Variants in TEF observed in about 807,000 individuals in gnomAD.
The protein encoded by TEF is TEF transcription factor, PAR bZIP family member.
A neutral mutation model predicts 20.8 loss-of-function variants in TEF; 3 were observed. That is an observed-to-expected ratio of 0.14 (90% CI 0.07 to 0.37). The LOEUF is 0.37. TEF is among the 10% of genes least tolerant of loss of function. The pLI, the probability that TEF is intolerant of heterozygous loss-of-function variation, is 1.00. For synonymous variants in TEF, 180 were observed against 171.1 expected (o/e 1.05, Z -0.41); for missense variants, 296 against 397.9 (o/e 0.74, Z 2.18).
chr22:41,386,855 C>T (rs948744334), intron 1 of TEF, among the ~76,000 whole-genome samples: 1 of 151,980 alleles, frequency 6.6e-6, no homozygotes, highest in East Asian at 1.9e-4. Flanking sequence ...ACCAGCCTGG[C>T]CAACATAGTA....
At chr22:41,382,650 C>G (rs1433488287) in intron 1 of TEF, among the ~76,000 whole-genome samples, 1 of 152,096 alleles carries the variant, frequency 6.6e-6, no homozygotes, top group Non-Finnish European at 1.5e-5. Context: ...AAGCGCAGGC[C>G]TAGGGTAGCG....
upstream of TEF, among the ~76,000 whole-genome samples, chr22:41,381,027 G>A (rs1277970544): frequency 6.6e-6 from 1 of 152,250 alleles, no homozygotes; most frequent in East Asian, 1.9e-4. Flanking sequence ...GTAAGTGGGA[G>A]GGCGGAAACA....
chr22:41,380,317 T>G (rs78348625), upstream of TEF, among the ~76,000 whole-genome samples: 5,280 of 152,190 alleles, frequency 0.035, 656 homozygotes, highest in East Asian at 0.45. Flanking sequence ...CATGCCCGTC[T>G]AATTATTTCT....
chr22:41,377,614 G>A (rs1240391139), upstream of TEF, among the ~76,000 whole-genome samples: 2 of 152,214 alleles, frequency 1.3e-5, no homozygotes, highest in African/African-American at 4.8e-5. Context: ...GGAGAATGAA[G>A]AGGAGAACAT....
upstream of TEF, among the ~76,000 whole-genome samples, chr22:41,381,139 C>T (rs371082972): frequency 2.8e-4 from 42 of 152,376 alleles, no homozygotes; most frequent in East Asian, 6.6e-3. Flanking sequence ...CTAGGGCGGC[C>T]AAGCCTGCTC....
chr22:41,370,613 T>C (rs1366565640), intron 1 of TEF, among the ~76,000 whole-genome samples: 2 of 152,018 alleles, frequency 1.3e-5, no homozygotes, highest in East Asian at 3.9e-4. Context: ...GGTTTCACCA[T>C]GTTGGCCAGG....
At chr22:41,395,541 C>T (rs183108273) in intron 3 of TEF, among the ~76,000 whole-genome samples, 1 of 152,198 alleles carries the variant, frequency 6.6e-6, no homozygotes, top group Non-Finnish European at 1.5e-5. Flanking sequence ...ATGTAACGTA[C>T]CAAATAACTT....
chr22:41,381,014 C>G (rs1004977339), upstream of TEF, among the ~76,000 whole-genome samples: 2 of 152,228 alleles, frequency 1.3e-5, no homozygotes, highest in Non-Finnish European at 1.5e-5. Flanking sequence ...AGGTCATAAG[C>G]TAGTAAGTGG....
chr22:41,376,151 T>TA, intron 1 of TEF, among the ~76,000 whole-genome samples: 1 of 152,258 alleles, frequency 6.6e-6, no homozygotes, highest in East Asian at 1.9e-4. Flanking sequence ...CAAGTTTAAG[T>TA]AAAAATAATC....
At chr22:41,373,824 T>C (rs1279521728) in intron 1 of TEF, among the ~76,000 whole-genome samples, 1 of 147,122 alleles carries the variant, frequency 6.8e-6, no homozygotes, top group Non-Finnish European at 1.5e-5. Flanking sequence ...AGTGCAATGG[T>C]GTGGCCTCGG....
At chr22:41,386,325 C>T (rs1406468588) in intron 1 of TEF, among the ~76,000 whole-genome samples, 1 of 152,092 alleles carries the variant, frequency 6.6e-6, no homozygotes, top group Admixed American at 6.6e-5. Context: ...CCTATAATCC[C>T]AGCTACTTGG....
chr22:41,394,907 C>T (rs887335069), intron 3 of TEF, among the ~76,000 whole-genome samples: 1 of 152,184 alleles, frequency 6.6e-6, no homozygotes, highest in Admixed American at 6.5e-5. Context: ...ACCTCCCTCC[C>T]GGGGAGGTTT....
intron 2 of TEF, among the ~76,000 whole-genome samples, chr22:41,391,669 C>A (rs940416331): frequency 6.6e-6 from 1 of 150,798 alleles, no homozygotes; most frequent in Non-Finnish European, 1.5e-5. Flanking sequence ...TGTCGCCAGG[C>A]TGGAGTGCAG....
At chr22:41,395,110 G>C (rs545484700) in intron 3 of TEF, among the ~76,000 whole-genome samples, 9 of 152,112 alleles carry the variant, frequency 5.9e-5, no homozygotes, top group Non-Finnish European at 1.2e-4. Flanking sequence ...AGGTTCAACC[G>C]ATTCTTGTGC....
intron 2 of TEF, among the ~76,000 whole-genome samples, chr22:41,389,283 G>A (rs9611572): frequency 0.19 from 29,494 of 151,892 alleles, 4,005 homozygotes; most frequent in Admixed American, 0.39. Context: ...TGCCTATAGT[G>A]CCAACTACTC....
In TEF at chr22:41,391,477, G is replaced by A. The variant is rs9623387; in HGVS notation, c.476-2619G>A. ...AGTAGCTGGGATAACAGGCACGGCC[G>A]GCTACTTTTTGTATTTTTAGTAGAG... On this transcript the variant is annotated intron_variant, in intron 2 of 3. Coordinates refer to ENST00000266304, the MANE Select transcript of TEF (RefSeq NM_003216.4). Among the ~76,000 whole-genome samples, 603 of 151,224 alleles carry A rather than the reference G, an allele frequency of 4.0e-3. 3 individuals are homozygous for A. Among genetic ancestry groups the A allele is most frequent in the African/African-American group, 0.014 (573 of 41,184 alleles).
At chr22:41,393,200 GC>G (rs2037187496) in intron 2 of TEF, among the ~76,000 whole-genome samples, 1 of 151,972 alleles carries the variant, frequency 6.6e-6, no homozygotes, top group African/African-American at 2.4e-5. Context: ...AATTAGCCAG[GC>G]GTGTTGGTGT....
At chr22:41,370,649 T>G (rs879813900) in intron 1 of TEF, among the ~76,000 whole-genome samples, 14 of 152,158 alleles carry the variant, frequency 9.2e-5, no homozygotes, top group Non-Finnish European at 1.5e-4. Flanking sequence ...TGACCTCCAG[T>G]GATCCAGCTG....
upstream of TEF, among the ~76,000 whole-genome samples, chr22:41,381,402 T>C (rs1201396598): frequency 1.3e-5 from 2 of 150,122 alleles, no homozygotes; most frequent in Non-Finnish European, 3.0e-5. Flanking sequence ...CTTCCTCCTC[T>C]GCCCCCTCCC....
Sources: allele counts gnomAD v4.1 joint callset (sites outside exome capture counted in the v4.1 genomes callset), GRCh38; gene constraint gnomAD v4.1.1; transcripts MANE v1.5; gene names NCBI Gene and HGNC (gene_info 2026-07-23, HGNC 2026-07-21).